Variants in EXOC4 observed in about 807,000 individuals in gnomAD.
The protein encoded by EXOC4 is exocyst complex component 4.
Under a neutral mutation model 107.2 loss-of-function variants are expected in EXOC4, and 71 were observed. The observed-to-expected ratio is 0.66, with a 90% CI of 0.55 to 0.81. The LOEUF (loss-of-function observed/expected upper bound fraction) is 0.81. Ranked by LOEUF, EXOC4 falls within the 30% of genes least tolerant of loss-of-function variation. EXOC4 has a pLI of 0.00. For synonymous variants in EXOC4, 456 were observed against 441.2 expected (o/e 1.03, Z -0.42); for missense variants, 1,108 against 1,189.6 (o/e 0.93, Z 1.01).
intron 12 of EXOC4, among the ~76,000 whole-genome samples, chr7:133,908,296 A>T (rs1041607143): frequency 6.6e-6 from 1 of 152,260 alleles, no homozygotes; most frequent in Admixed American, 6.5e-5. Flanking sequence ...CTGTTGAATT[A>T]GATTCTCTGC....
intron 9 of EXOC4, among the ~76,000 whole-genome samples, chr7:133,592,816 T>C (rs1430855311): frequency 6.6e-6 from 1 of 152,178 alleles, no homozygotes; most frequent in Non-Finnish European, 1.5e-5. Flanking sequence ...TTAGCCAGGA[T>C]GGTCTCGATC....
intron 7 of EXOC4, among the ~76,000 whole-genome samples, chr7:133,395,549 G>A (rs1000931732): frequency 9.2e-5 from 14 of 152,252 alleles, no homozygotes; most frequent in African/African-American, 2.9e-4. Flanking sequence ...AAAGGAGCAA[G>A]TGAATAGGAC....
At chr7:133,572,984 C>T (rs567189675) in intron 9 of EXOC4, among the ~76,000 whole-genome samples, 4 of 152,290 alleles carry the variant, frequency 2.6e-5, no homozygotes, top group Admixed American at 1.3e-4. Context: ...CCAGAAAGCA[C>T]TATCCAGATT....
At chr7:133,946,495 A>T (rs1441211656) in intron 14 of EXOC4, among the ~76,000 whole-genome samples, 1 of 152,250 alleles carries the variant, frequency 6.6e-6, no homozygotes, top group African/African-American at 2.4e-5. Flanking sequence ...TTGTAGGAAC[A>T]AAAGCACCAA....
intron 10 of EXOC4, among the ~76,000 whole-genome samples, chr7:133,637,823 T>C (rs1299408030): frequency 6.6e-6 from 1 of 152,208 alleles, no homozygotes; most frequent in African/African-American, 2.4e-5. Flanking sequence ...TTCTAAACTT[T>C]TTTTACTTTT....
At chr7:133,953,190 G>A (rs1800732647) in intron 14 of EXOC4, among the ~76,000 whole-genome samples, 1 of 152,202 alleles carries the variant, frequency 6.6e-6, no homozygotes, top group Non-Finnish European at 1.5e-5. Context: ...GCTCACACCT[G>A]TAATCCCAGC....
intron 14 of EXOC4, among the ~76,000 whole-genome samples, chr7:133,968,102 T>C (rs1388744619): frequency 6.6e-6 from 1 of 152,198 alleles, no homozygotes; most frequent in Non-Finnish European, 1.5e-5. Flanking sequence ...TCTTTGTCTT[T>C]CTTGAATTTT....
rs1006014690 is a variant in EXOC4 at position 133,468,625 on chromosome 7, C to T, written c.1183-6703C>T. 3.3e-5 allele frequency among the ~76,000 whole-genome samples: 5 copies of T among 152,174 alleles called. No homozygotes were observed. The East Asian group carries it at 9.7e-4, about 30-fold the overall frequency. On this transcript the variant is annotated intron_variant, in intron 7 of 17. Transcript: ENST00000253861. ...GCTTTTCAAATTCCTTTGAGACATC[C>T]TCCATTGGGTAAGACTATACTTTCT...
At chr7:133,736,289 T>G (rs1251918119) in intron 10 of EXOC4, among the ~76,000 whole-genome samples, 1 of 152,196 alleles carries the variant, frequency 6.6e-6, no homozygotes, top group Non-Finnish European at 1.5e-5. Flanking sequence ...CTACTCTTTC[T>G]CTTTTGAATA....
rs117730778 is a variant in EXOC4, at chr7:133,879,134, C to G, written c.1735-16465C>G. On this transcript the variant is annotated intron_variant, in intron 11 of 17. Transcript: ENST00000253861. Reference sequence around the variant, plus strand: ...TATTTATTTTTTTGAGACAGAGTGTCGCTCTGTCGCCAGGCTTGAGTATTG... The same window carrying G: ...TATTTATTTTTTTGAGACAGAGTGTGGCTCTGTCGCCAGGCTTGAGTATTG... Among the ~76,000 whole-genome samples the G allele has an allele frequency of 5.3e-5, 8 of 152,220 alleles. No individual in the cohort carries two copies. In the South Asian group the frequency reaches 1.7e-3, roughly 32 times the overall value.
intron 7 of EXOC4, among the ~76,000 whole-genome samples, chr7:133,387,804 A>G (rs1385320067): frequency 6.6e-6 from 1 of 152,218 alleles, no homozygotes; most frequent in Non-Finnish European, 1.5e-5. Context: ...CCATGGACAA[A>G]TGTTCAGTCT....
At chr7:134,049,923 G>T (rs1795744704) in intron 17 of EXOC4, among the ~76,000 whole-genome samples, 1 of 152,188 alleles carries the variant, frequency 6.6e-6, no homozygotes, top group African/African-American at 2.4e-5. Flanking sequence ...TCTAGGTGAG[G>T]TTAATAAATA....
intron 11 of EXOC4, among the ~76,000 whole-genome samples, chr7:133,871,911 A>G (rs1335097257): frequency 1.3e-5 from 2 of 152,248 alleles, no homozygotes; most frequent in Non-Finnish European, 2.9e-5. Flanking sequence ...GGTGGCTTAT[A>G]GTAAGCAATA....
At chr7:133,558,874 A>G (rs1429711025) in intron 9 of EXOC4, among the ~76,000 whole-genome samples, 1 of 152,192 alleles carries the variant, frequency 6.6e-6, no homozygotes, top group East Asian at 1.9e-4. Context: ...GTGCCCACCT[A>G]TCCTCCAGGG....
At chr7:133,389,647 G>T (rs796961617) in intron 7 of EXOC4, among the ~76,000 whole-genome samples, 39 of 152,078 alleles carry the variant, frequency 2.6e-4, no homozygotes, top group African/African-American at 8.2e-4. Context: ...GGGAGTTGGG[G>T]TCAGGAAGAT....
intron 10 of EXOC4, among the ~76,000 whole-genome samples, chr7:133,778,244 T>G (rs1354100973): frequency 1.3e-5 from 2 of 152,154 alleles, no homozygotes; most frequent in Non-Finnish European, 2.9e-5. Context: ...TAAAGCAAGT[T>G]CCTCATGAAT....
intron 17 of EXOC4, among the ~76,000 whole-genome samples, chr7:134,020,902 C>T (rs1466620297): frequency 4.0e-5 from 6 of 151,700 alleles, no homozygotes; most frequent in Non-Finnish European, 8.8e-5. Context: ...AGGAGAATGG[C>T]GTGAACCCAG....
At chr7:133,795,763 G>A (rs1796800558) in intron 10 of EXOC4, among the ~76,000 whole-genome samples, 1 of 152,208 alleles carries the variant, frequency 6.6e-6, no homozygotes, top group African/African-American at 2.4e-5. Flanking sequence ...GGGCAGAGGA[G>A]TAGAAAAGCA....
At chr7:133,729,010 G>T (rs578032148) in intron 10 of EXOC4, among the ~76,000 whole-genome samples, 27 of 152,142 alleles carry the variant, frequency 1.8e-4, no homozygotes, top group African/African-American at 6.3e-4. Context: ...CTAGCCTTTG[G>T]GTTTCTATGG....
Sources: gnomAD v4.1 joint callset for allele counts (sites outside exome capture counted in the v4.1 genomes callset) on GRCh38, gnomAD v4.1.1 for gene constraint, MANE v1.5 for transcripts, NCBI Gene and HGNC (gene_info 2026-07-23, HGNC 2026-07-21) for gene names.